AKAP19: variants seen among roughly 807,000 people sequenced by gnomAD.
The protein encoded by AKAP19 is small A-kinase anchoring protein.
At chr2:189,939,923 A>C in the AKAP19 span, among the ~76,000 whole-genome samples, 3 of 152,072 alleles carry the variant, frequency 2.0e-5, no homozygotes, top group Non-Finnish European at 4.4e-5. Context: ...AGGCAGGTGG[A>C]TCAGGCTGGT....
chr2:190,158,106 A>C, the AKAP19 span, among the ~76,000 whole-genome samples: 1 of 152,208 alleles, frequency 6.6e-6, no homozygotes, highest in African/African-American at 2.4e-5. Flanking sequence ...CCACTGGTGC[A>C]TGCAGCCCCT....
the AKAP19 span, among the ~76,000 whole-genome samples, chr2:190,144,432 A>T: frequency 6.6e-6 from 1 of 152,114 alleles, no homozygotes; most frequent in African/African-American, 2.4e-5. Flanking sequence ...CTAAGAAAAT[A>T]TTCTATTTTA....
At chr2:190,195,941 C>CTTTTTTT in the AKAP19 span, among the ~76,000 whole-genome samples, 14 of 86,172 alleles carry the variant, frequency 1.6e-4, 1 homozygote, top group South Asian at 4.5e-4. Flanking sequence ...CTGTGTCCAG[C>CTTTTTTT]TTTTTTTTTT....
At chr2:190,169,036 A>T in the AKAP19 span, among the ~76,000 whole-genome samples, 9 of 152,296 alleles carry the variant, frequency 5.9e-5, no homozygotes, top group South Asian at 6.2e-4. Context: ...TATGCTGCTG[A>T]TAAACACATA....
At chr2:190,021,629 G>A in the AKAP19 span, among the ~76,000 whole-genome samples, 1 of 152,210 alleles carries the variant, frequency 6.6e-6, no homozygotes, top group African/African-American at 2.4e-5. Context: ...GGAAGCCAGA[G>A]CCAATGACTG....
chr2:190,009,874 G>A, the AKAP19 span, among the ~76,000 whole-genome samples: 1 of 151,430 alleles, frequency 6.6e-6, no homozygotes, highest in Non-Finnish European at 1.5e-5. Context: ...TAGGGTCCTA[G>A]GATAACCAAG....
the AKAP19 span, among the ~76,000 whole-genome samples, chr2:190,002,554 T>A: frequency 6.6e-6 from 1 of 151,698 alleles, no homozygotes; most frequent in African/African-American, 2.4e-5. Flanking sequence ...ATAATAAATT[T>A]AAAAAAAGAA....
chr2:190,038,878 C>CTCTTTCTTTCTTTCTTTCTTTCTTTCTT, the AKAP19 span, among the ~76,000 whole-genome samples: 63 of 80,282 alleles, frequency 7.8e-4, 5 homozygotes, highest in Admixed American at 2.8e-3. Flanking sequence ...AGAGTCCTCC[C>CTCTTTCTTTCTTTCTTTCTTTCTTTCTT]TCTTTCTTTC....
the AKAP19 span, among the ~76,000 whole-genome samples, chr2:189,922,603 A>G: frequency 6.6e-6 from 1 of 152,232 alleles, no homozygotes; most frequent in Non-Finnish European, 1.5e-5. Flanking sequence ...CAGCAGAAAA[A>G]TTTGTGTTGT....
the AKAP19 span, among the ~76,000 whole-genome samples, chr2:189,985,181 C>T: frequency 6.6e-6 from 1 of 152,200 alleles, no homozygotes; most frequent in Non-Finnish European, 1.5e-5. Flanking sequence ...CACTGCTTTT[C>T]TTTTCTGCAT....
chr2:190,157,365 T>TACAC, the AKAP19 span, among the ~76,000 whole-genome samples: 96 of 117,068 alleles, frequency 8.2e-4, no homozygotes, highest in South Asian at 1.4e-3. Flanking sequence ...CCTAAACTTG[T>TACAC]ATACACACAC....
the AKAP19 span, among the ~76,000 whole-genome samples, chr2:190,155,321 G>A: frequency 6.6e-6 from 1 of 152,160 alleles, no homozygotes; most frequent in African/African-American, 2.4e-5. Flanking sequence ...GGTTGAAAAT[G>A]GCTGAATGGC....
At chr2:190,176,592 C>T in the AKAP19 span, among the ~76,000 whole-genome samples, 1 of 152,230 alleles carries the variant, frequency 6.6e-6, no homozygotes, top group Non-Finnish European at 1.5e-5. This position sits in a 1 kb window ranked among gnomAD's most constrained non-coding sequence, Gnocchi z 4.7. Flanking sequence ...TCGTGATCTG[C>T]CTGCCTTGGC....
At chr2:190,104,554 G>T in the AKAP19 span, among the ~76,000 whole-genome samples, 1 of 152,136 alleles carries the variant, frequency 6.6e-6, no homozygotes, top group African/African-American at 2.4e-5. Context: ...AATTTGGGTG[G>T]CCAAGATGGG....
At chr2:189,950,347 GT>G in the AKAP19 span, among the ~76,000 whole-genome samples, 4 of 96,868 alleles carry the variant, frequency 4.1e-5, no homozygotes, top group African/African-American at 1.5e-4. Context: ...TTTTTTTTTT[GT>G]TTTTTTTTTT....
the AKAP19 span, among the ~76,000 whole-genome samples, chr2:190,155,209 C>T: frequency 2.0e-5 from 3 of 152,164 alleles, no homozygotes; most frequent in Admixed American, 1.3e-4. Context: ...GGGAACCAGA[C>T]CCTTGCCCTT....
At chr2:190,142,907 C>A in the AKAP19 span, among the ~76,000 whole-genome samples, 4 of 152,234 alleles carry the variant, frequency 2.6e-5, no homozygotes, top group Admixed American at 2.0e-4. Context: ...GGGTTTGGGG[C>A]TGCTACCTTT....
chr2:190,189,249 T>C, the AKAP19 span, among the ~76,000 whole-genome samples: 2 of 152,206 alleles, frequency 1.3e-5, no homozygotes, highest in Non-Finnish European at 2.9e-5. Context: ...AGAGGTTCTA[T>C]AAGTTCAAGA....
At chr2:189,940,786 G>C in the AKAP19 span, among the ~76,000 whole-genome samples, 1,609 of 152,168 alleles carry the variant, frequency 0.011, 22 homozygotes, top group Middle Eastern at 0.024. Flanking sequence ...AGATACTTGG[G>C]AGGCTGAGGC....
Sources: gnomAD v4.1 joint callset for allele counts (sites outside exome capture counted in the v4.1 genomes callset) on GRCh38, gnomAD v4.1.1 for gene constraint, Gnocchi (gnomAD v3.1) non-coding constraint, MANE v1.5 for transcripts, NCBI Gene and HGNC (gene_info 2026-07-23, HGNC 2026-07-21) for gene names.